The following ZNF704 variants were observed in gnomAD, a reference collection of about 807,000 sequenced individuals.
The protein encoded by ZNF704 is zinc finger protein 704.
In ZNF704, 10 loss-of-function variants were observed where a neutral mutation model predicts 44.7. The ratio of observed to expected loss-of-function variants is 0.22; its 90% CI spans 0.14 to 0.38. ZNF704 has a LOEUF of 0.38. Ranked by LOEUF, ZNF704 falls within the 10% of genes least tolerant of loss-of-function variation. ZNF704 has a pLI of 1.00. For missense variants in ZNF704, 390 were observed against 545.5 expected (o/e 0.71, Z 2.84); for synonymous variants, 211 against 207.6 (o/e 1.02, Z -0.14).
chr8:80,677,936 C>T (rs73271043), intron 4 of ZNF704, among the ~76,000 whole-genome samples: 25,669 of 152,166 alleles, frequency 0.17, 4,320 homozygotes, highest in African/African-American at 0.44. Flanking sequence ...CTTGCTTATC[C>T]TACCTGGCTG....
intron 2 of ZNF704, chr8:80,749,610 G>A (rs1806907125): frequency 6.5e-6 from 1 of 153,234 alleles, no homozygotes; most frequent in African/African-American, 2.4e-5. Context: ...CAAAAATTAC[G>A]CTTCCAAAAT....
rs374003341 is a variant in ZNF704 at position 80,692,986 on chromosome 8, C to T, written c.325+18G>A. ...GGTGTCAAGGGGCCCTTCCCTAAGT[C>T]CCATATCCTGGGCTTACCGTTCGGC... On this transcript the variant is annotated intron_variant, in intron 3 of 8. Coordinates refer to ENST00000327835, the MANE Select transcript of ZNF704 (RefSeq NM_001033723.3). 1,260 of 1,612,352 alleles carry T rather than the reference C, an allele frequency of 7.8e-4. 1 individual carries two copies. The highest frequency in any genetic ancestry group is 9.6e-4 in the Non-Finnish European group (1,127 of 1,178,756).
rs562191841 is a variant in ZNF704 at position 80,671,898 on chromosome 8, G to C, written c.559-1295C>G. The stretch of plus-strand genomic sequence containing the variant: ...ATGCAAAGGACACAAAGGTCTTAGG[G>C]TATAGCAAAACCACCAGATCAGAGT... On this transcript the variant is annotated intron_variant, in intron 4 of 8. Transcript: ENST00000327835. 3.3e-5 allele frequency among the ~76,000 whole-genome samples: 5 copies of C among 152,284 alleles called. No individual in the cohort carries two copies. In the South Asian group the frequency reaches 1.0e-3, roughly 32 times the overall value.
chr8:80,644,812 T>C, intron 7 of ZNF704: 1 of 645,024 alleles, frequency 1.6e-6, no homozygotes, highest in South Asian at 1.8e-5. Context: ...AAACAGTGTA[T>C]TGAACATCTT....
intron 1 of ZNF704, among the ~76,000 whole-genome samples, chr8:80,863,767 T>C (rs2130050051): frequency 6.6e-6 from 1 of 152,346 alleles, no homozygotes; most frequent in South Asian, 2.1e-4. Context: ...TTACTTGTAA[T>C]AGCAATAGCG....
intron 1 of ZNF704, among the ~76,000 whole-genome samples, chr8:80,861,416 T>C (rs952808296): frequency 6.6e-6 from 1 of 152,200 alleles, no homozygotes; most frequent in Non-Finnish European, 1.5e-5. Flanking sequence ...AAAGTGTTAT[T>C]GGCAATGGAA....
chr8:80,880,702 G>C, the ZNF704 span, among the ~76,000 whole-genome samples: 1 of 152,162 alleles, frequency 6.6e-6, no homozygotes, highest in Admixed American at 6.5e-5. Flanking sequence ...TCTAGGGAAT[G>C]ATAGCCATTT....
At chr8:80,697,223 C>T (rs1818740203) in intron 2 of ZNF704, among the ~76,000 whole-genome samples, 2 of 152,088 alleles carry the variant, frequency 1.3e-5, no homozygotes, top group South Asian at 4.2e-4. Flanking sequence ...GGTGTGTGTG[C>T]CAGGATGAGT....
chr8:80,693,598 A>G (rs1402561162), intron 2 of ZNF704, among the ~76,000 whole-genome samples: 1 of 152,182 alleles, frequency 6.6e-6, no homozygotes, highest in East Asian at 1.9e-4. Flanking sequence ...TCTCTGAGGC[A>G]GTGACGTCTG....
At chr8:80,872,865 T>A (rs1809277244) in intron 1 of ZNF704, among the ~76,000 whole-genome samples, 2 of 152,142 alleles carry the variant, frequency 1.3e-5, no homozygotes, top group South Asian at 2.1e-4. Context: ...TTTTCTCATT[T>A]GCAATTTTGA....
At chr8:80,830,788 C>G (rs1460897489) in intron 1 of ZNF704, among the ~76,000 whole-genome samples, 2 of 130,902 alleles carry the variant, frequency 1.5e-5, no homozygotes, top group South Asian at 4.8e-4. Flanking sequence ...GATGGAGTCT[C>G]GCTCTGTCAA....
At chr8:80,842,621 G>T (rs899792936) in intron 1 of ZNF704, among the ~76,000 whole-genome samples, 3 of 152,156 alleles carry the variant, frequency 2.0e-5, no homozygotes, top group Non-Finnish European at 4.4e-5. Context: ...TAAGAAAATA[G>T]AAATAGTGAT....
intron 1 of ZNF704, among the ~76,000 whole-genome samples, chr8:80,848,578 T>A (rs1041153025): frequency 1.3e-5 from 2 of 151,990 alleles, no homozygotes; most frequent in African/African-American, 4.8e-5. Flanking sequence ...GGTGAGGTGG[T>A]TCATGCCTGT....
intron 3 of ZNF704, 101 bp from the exon 4 acceptor site, chr8:80,687,559 C>T (rs1231238896): frequency 9.4e-6 from 8 of 848,614 alleles, no homozygotes; most frequent in African/African-American, 1.7e-5. Flanking sequence ...GAAACCACCC[C>T]AGCCCTCTCA....
intron 2 of ZNF704, among the ~76,000 whole-genome samples, chr8:80,693,395 T>A (rs913104560): frequency 1.3e-5 from 2 of 152,122 alleles, no homozygotes; most frequent in African/African-American, 4.8e-5. Flanking sequence ...ACGAGTGATA[T>A]GAGGTGAACA....
At position 80,777,122 on chromosome 8, in the gene ZNF704, A is replaced by T. The variant is rs982597242; in HGVS notation, c.221+44252T>A. 3.3e-5 allele frequency among the ~76,000 whole-genome samples: 5 copies of T among 152,028 alleles called. No individual in the cohort carries two copies. In the South Asian group the frequency reaches 6.2e-4, roughly 19 times the overall value. Reference sequence around the variant, plus strand: ...GAGGAAGGGCAAAGTTATTTTTTTTAAATTGCTAAGAATTTATCTCAATAT... The same window carrying T: ...GAGGAAGGGCAAAGTTATTTTTTTTTAATTGCTAAGAATTTATCTCAATAT... On this transcript the variant is annotated intron_variant, in intron 2 of 8. Coordinates refer to ENST00000327835, the MANE Select transcript of ZNF704 (RefSeq NM_001033723.3).
chr8:80,802,427 G>A lies in ZNF704; in HGVS notation c.221+18947C>T, dbSNP rs1807917766. On this transcript the variant is annotated intron_variant, in intron 2 of 8. Coordinates refer to ENST00000327835, the MANE Select transcript of ZNF704 (RefSeq NM_001033723.3). ...GCCAATATTCTTGATGAACATCAAT[G>A]CAAAGATCCTCAATAAAATACTGGC... Among the ~76,000 whole-genome samples, 3 of 152,250 alleles carry A rather than the reference G, an allele frequency of 2.0e-5. No homozygotes were observed. In the South Asian group the frequency reaches 6.2e-4, roughly 32 times the overall value.
intron 2 of ZNF704, among the ~76,000 whole-genome samples, chr8:80,805,055 A>G (rs1328030190): frequency 2.6e-5 from 4 of 152,142 alleles, no homozygotes; most frequent in African/African-American, 9.7e-5. Context: ...GTAACTATAA[A>G]TGTCATTATC....
Position 80,729,844 on chromosome 8 carries a change from C to T in ZNF704, c.222-36737G>A, listed in dbSNP as rs770492823. ...CTGAAGCAGGGCTGAATAGGTATAA[C>T]GAAATCTCACCCAAGGTGAATAGAG... On this transcript the variant is annotated intron_variant, in intron 2 of 8. Transcript: ENST00000327835. Among the ~76,000 whole-genome samples the T allele has an allele frequency of 6.6e-5, 10 of 152,222 alleles. No individual in the cohort carries two copies. In the East Asian group the frequency reaches 9.7e-4, roughly 15 times the overall value.
Sources: allele counts gnomAD v4.1 joint callset (sites outside exome capture counted in the v4.1 genomes callset), GRCh38; gene constraint gnomAD v4.1.1; transcripts MANE v1.5; gene names NCBI Gene and HGNC (gene_info 2026-07-23, HGNC 2026-07-21).